The following TRIM71 variants were observed in gnomAD, a reference collection of about 807,000 sequenced individuals.
The protein encoded by TRIM71 is E3 ubiquitin-protein ligase TRIM71.
In TRIM71, 9 loss-of-function variants were observed where a neutral mutation model predicts 61.2. The ratio of observed to expected loss-of-function variants is 0.15; its 90% confidence interval spans 0.09 to 0.26. The LOEUF is 0.26. Among genes scored for constraint, TRIM71 ranks in the 10% least tolerant of loss-of-function variants. The pLI, the probability that TRIM71 is intolerant of heterozygous loss-of-function variation, is 1.00. For synonymous variants in TRIM71, 645 were observed against 553.2 expected, an observed-to-expected ratio of 1.17 and a Z score of -2.33; for missense variants, 998 against 1,238.7, an observed-to-expected ratio of 0.81 and a Z score of 2.92.
At chr3:32,867,372 G>A (rs952892060) in intron 1 of TRIM71, among the ~76,000 whole-genome samples, 1 of 152,122 alleles carries the variant, frequency 6.6e-6, no homozygotes, top group Non-Finnish European at 1.5e-5. Flanking sequence ...AGGTAAAAAT[G>A]ATTGATCATT....
At chr3:32,821,940 G>C (rs1423709122) in intron 1 of TRIM71, among the ~76,000 whole-genome samples, 1 of 152,134 alleles carries the variant, frequency 6.6e-6, no homozygotes, top group Non-Finnish European at 1.5e-5. Flanking sequence ...TCATGGAGTA[G>C]GGTCTTCGCT....
chr3:32,847,708 T>G (rs879713056), intron 1 of TRIM71, among the ~76,000 whole-genome samples: 59 of 152,210 alleles, frequency 3.9e-4, no homozygotes, highest in Admixed American at 3.9e-3. Flanking sequence ...CCTTTCCATA[T>G]GTGACAAATG....
chr3:32,859,179 A>G (rs1307691322), intron 1 of TRIM71, among the ~76,000 whole-genome samples: 1 of 152,192 alleles, frequency 6.6e-6, no homozygotes, highest in Admixed American at 6.5e-5. Flanking sequence ...ATTAACATTC[A>G]TACCTGAGAC....
intron 1 of TRIM71, among the ~76,000 whole-genome samples, chr3:32,824,014 G>A (rs374622585): frequency 1.3e-4 from 19 of 151,896 alleles, no homozygotes; most frequent in African/African-American, 2.2e-4. Context: ...GGCGGAGGCC[G>A]CAGTGATCCG....
intron 1 of TRIM71, among the ~76,000 whole-genome samples, chr3:32,824,067 G>C (rs1388181438): frequency 6.6e-6 from 1 of 151,164 alleles, no homozygotes; most frequent in Non-Finnish European, 1.5e-5. Context: ...AGTGAGACTT[G>C]TCTCAAAAAA....
chr3:32,826,582 C>CTTTTTTTTTTTTTTTTTTTTTTTTT (rs71068090), intron 1 of TRIM71, among the ~76,000 whole-genome samples: 1 of 83,092 alleles, frequency 1.2e-5, no homozygotes, highest in African/African-American at 5.2e-5. Flanking sequence ...CAGGTGAGTT[C>CTTTTTTTTTTTTTTTTTTTTTTTTT]TTTTTTTTTT....
In TRIM71 at chr3:32,886,087, C is replaced by T. The variant is rs757601422; in HGVS notation, c.1155+19C>T. On this transcript the variant is annotated intron_variant, in intron 3 of 3. Transcript: ENST00000383763. ...GTGGAAGGTAACAGGGAGAGCTCCC[C>T]CACCCAGGCTGTGCCCACTCGGCTT... 6.2e-7 allele frequency: 1 copy of T among 1,605,436 alleles called. No homozygotes were observed. The highest frequency in any genetic ancestry group is 8.5e-7 in the Non-Finnish European group (1 of 1,175,938).
At chr3:32,868,315 G>T (rs1169627281) in intron 1 of TRIM71, among the ~76,000 whole-genome samples, 2 of 152,198 alleles carry the variant, frequency 1.3e-5, no homozygotes, top group African/African-American at 4.8e-5. Flanking sequence ...ATCCAAGCTT[G>T]CAAGTAGGTT....
chr3:32,818,572 G>C lies in TRIM71; in HGVS notation c.492G>C (p.Ala164=). 4 of 1,272,508 alleles carry C rather than the reference G, an allele frequency of 3.1e-6. No homozygotes were observed. Among genetic ancestry groups the C allele is most frequent in the Non-Finnish European group, 3.9e-6 (4 of 1,017,710 alleles). 78.8% of individuals were successfully genotyped at this position (1,272,508 alleles called of 1,614,324 possible). ...HHAHPRASAS[A]PPLPQAPQPP... ...CGCACCCGCGCGCGTCCGCCTCCGC[G>C]CCGCCACTCCCGCAGGCGCCGCAGC... Residue 164 remains alanine, a synonymous_variant, in exon 1 of 4, where the codon GCG becomes GCC. Coordinates refer to ENST00000383763, the MANE Select transcript of TRIM71 (RefSeq NM_001039111.3).
chr3:32,869,544 TTTGCATGTGCACACATGCGTGCAC>T (rs1696774381), intron 1 of TRIM71, among the ~76,000 whole-genome samples: 1 of 152,218 alleles, frequency 6.6e-6, no homozygotes. Context: ...TGCACGTGCA[TTTGCATGTGCACACATGCGTGCAC>T]ACACGTTCAT....
intron 2 of TRIM71, among the ~76,000 whole-genome samples, chr3:32,878,509 G>A (rs1696873708): frequency 1.3e-5 from 2 of 152,296 alleles, no homozygotes; most frequent in East Asian, 3.9e-4. Context: ...CAGCTACTTG[G>A]GAGGCTGAAG....
intron 1 of TRIM71, among the ~76,000 whole-genome samples, chr3:32,869,973 C>T (rs372547353): frequency 6.6e-6 from 1 of 152,254 alleles, no homozygotes; most frequent in African/African-American, 2.4e-5. Flanking sequence ...TCCCTTCCCC[C>T]CTTTCCCGGG....
chr3:32,824,935 C>T (rs1353788242), intron 1 of TRIM71, among the ~76,000 whole-genome samples: 1 of 152,156 alleles, frequency 6.6e-6, no homozygotes, highest in African/African-American at 2.4e-5. Flanking sequence ...GCTGGGACTA[C>T]AGTCATGTGC....
intron 1 of TRIM71, among the ~76,000 whole-genome samples, chr3:32,865,660 T>C (rs1696724924): frequency 6.6e-6 from 1 of 152,110 alleles, no homozygotes; most frequent in African/African-American, 2.4e-5. Context: ...TGATAGTTCC[T>C]GTGAGCCAGA....
intron 1 of TRIM71, among the ~76,000 whole-genome samples, chr3:32,835,299 A>G (rs1380541743): frequency 6.6e-6 from 1 of 152,178 alleles, no homozygotes; most frequent in Non-Finnish European, 1.5e-5. Flanking sequence ...CAGGTTAAGA[A>G]ACATTCTCAT....
intron 1 of TRIM71, among the ~76,000 whole-genome samples, chr3:32,822,965 A>AC (rs1696158332): frequency 6.6e-6 from 1 of 152,226 alleles, no homozygotes; most frequent in Non-Finnish European, 1.5e-5. Flanking sequence ...AAGGAAGGAC[A>AC]AGGAGAGAAA....
rs946019414 is a variant in TRIM71 at position 32,861,412 on chromosome 3, A to G, written c.853-12406A>G. Among the ~76,000 whole-genome samples, 9 of 148,766 alleles carry G rather than the reference A, an allele frequency of 6.0e-5. No homozygotes were observed. The South Asian group carries it at 2.1e-3, about 34-fold the overall frequency. ...CTCCCAAAGTGCTGGGATTACAGGC[A>G]TGAGCCACCGTGCCCAGCCAATAAA... is the stretch of plus-strand genomic sequence containing the variant. On this transcript the variant is annotated intron_variant, in intron 1 of 3. Coordinates refer to ENST00000383763, the MANE Select transcript of TRIM71 (RefSeq NM_001039111.3).
At chr3:32,832,620 G>A (rs1256183237) in intron 1 of TRIM71, among the ~76,000 whole-genome samples, 2 of 152,172 alleles carry the variant, frequency 1.3e-5, no homozygotes, top group Non-Finnish European at 2.9e-5. Flanking sequence ...GGGAGGTGGA[G>A]GTTGTAGTGA....
At chr3:32,861,542 C>T (rs1696668428) in intron 1 of TRIM71, among the ~76,000 whole-genome samples, 1 of 152,088 alleles carries the variant, frequency 6.6e-6, no homozygotes. Flanking sequence ...GCCTGGGCAA[C>T]AAAGTGAGTT....
Sources: gnomAD v4.1 joint callset for allele counts (sites outside exome capture counted in the v4.1 genomes callset) on GRCh38, gnomAD v4.1.1 for gene constraint, MANE v1.5 for transcripts, NCBI Gene and HGNC (gene_info 2026-07-23, HGNC 2026-07-21) for gene names.